The following FMN1 variants were observed in gnomAD, a reference collection of about 807,000 sequenced individuals.
The protein encoded by FMN1 is formin-1.
In FMN1, 110 loss-of-function variants were observed where a neutral mutation model predicts 132.4. That is an observed-to-expected ratio of 0.83 (90% CI 0.71 to 0.97). The LOEUF is 0.97. FMN1 is among the 50% of genes least tolerant of loss of function. The pLI, the probability that FMN1 is intolerant of heterozygous loss-of-function variation, is 0.00. For missense variants in FMN1, 1,792 were observed against 1,705.3 expected, an observed-to-expected ratio of 1.05 and a Z score of -0.90; for synonymous variants, 722 against 651.7, an observed-to-expected ratio of 1.11 and a Z score of -1.64.
At chr15:33,050,447 G>A (rs961849508) in intron 6 of FMN1, among the ~76,000 whole-genome samples, 1 of 151,782 alleles carries the variant, frequency 6.6e-6, no homozygotes, top group Non-Finnish European at 1.5e-5. Context: ...AAATGACTAA[G>A]AACCTCATTT....
chr15:32,959,164 T>A (rs1276553225), intron 9 of FMN1, among the ~76,000 whole-genome samples: 2 of 152,168 alleles, frequency 1.3e-5, no homozygotes, highest in Non-Finnish European at 2.9e-5. Context: ...TTTCTCTTGT[T>A]CAGTCATTAT....
At chr15:33,149,762 T>G in intron 4 of FMN1, 1 of 982,430 alleles carries the variant, frequency 1.0e-6, no homozygotes, top group Non-Finnish European at 1.2e-6. Context: ...AATGGCTGCA[T>G]ATGTCTATTA....
intron 5 of FMN1, among the ~76,000 whole-genome samples, chr15:33,081,846 T>C (rs1169632429): frequency 1.3e-5 from 2 of 152,136 alleles, no homozygotes; most frequent in Non-Finnish European, 2.9e-5. Flanking sequence ...ACAGTCAAGC[T>C]TGGGAGGAGC....
chr15:33,070,006 T>C (rs1057374355), intron 5 of FMN1, among the ~76,000 whole-genome samples: 6 of 135,694 alleles, frequency 4.4e-5, no homozygotes, highest in Non-Finnish European at 6.4e-5. Context: ...TTTTTTTTTT[T>C]TTTTTTTTTT....
At position 33,154,857 on chromosome 15, in the gene FMN1, T is replaced by C; in HGVS notation, c.58A>G (p.Ile20Val). Reference protein sequence around the residue: ...LHKPITELCYISFCLPKGEVR... With the variant: ...LHKPITELCYVSFCLPKGEVR... ...TCCCCCTTTGGAAGACAGAAGCTGA[T>C]GTAGCAGAGTTCCGTAATGGGCTTA... The change falls in exon 4 of 21, where the codon ATC (isoleucine) becomes GTC (valine). Residue 20 changes from isoleucine (I) to valine (V), a missense_variant. Ile to Val is a conservative substitution (Grantham distance 29). Transcript: ENST00000616417. The C allele has an allele frequency of 6.5e-7, 1 of 1,536,272 alleles. No homozygotes were observed. The highest frequency in any genetic ancestry group is 8.7e-7 in the Non-Finnish European group (1 of 1,146,928).
At chr15:32,884,395 C>T (rs529037045) in intron 16 of FMN1, among the ~76,000 whole-genome samples, 18 of 152,238 alleles carry the variant, frequency 1.2e-4, no homozygotes, top group African/African-American at 4.1e-4. Context: ...ATCATTCTTA[C>T]GTCGTTATAT....
At chr15:32,783,002 G>A (rs1196798960) in intron 19 of FMN1, among the ~76,000 whole-genome samples, 2 of 4,406 alleles carry the variant, frequency 4.5e-4, no homozygotes, top group Non-Finnish European at 1.0e-3. Flanking sequence ...GGTGGGGAGA[G>A]TGGGGAAGAC....
At chr15:32,962,616 A>T (rs1282355239) in intron 9 of FMN1, among the ~76,000 whole-genome samples, 1 of 151,352 alleles carries the variant, frequency 6.6e-6, no homozygotes, top group African/African-American at 2.5e-5. Flanking sequence ...TAATATCCAG[A>T]ATCTACAATA....
chr15:33,055,148 C>T (rs547480466), intron 6 of FMN1, among the ~76,000 whole-genome samples: 14 of 152,300 alleles, frequency 9.2e-5, no homozygotes, highest in African/African-American at 2.9e-4. Context: ...TCTATTCTCT[C>T]TGAAGCCTGC....
intron 6 of FMN1, among the ~76,000 whole-genome samples, chr15:33,052,794 C>T (rs1196400003): frequency 6.6e-6 from 1 of 152,208 alleles, no homozygotes; most frequent in Non-Finnish European, 1.5e-5. Flanking sequence ...GATTGATCCC[C>T]ACCCTTCCCC....
intron 6 of FMN1, among the ~76,000 whole-genome samples, chr15:33,048,537 TAAAAAAAA>T (rs946387734): frequency 6.9e-6 from 1 of 144,264 alleles, no homozygotes; most frequent in East Asian, 2.0e-4. Flanking sequence ...TTGAGACTAC[TAAAAAAAA>T]AGTTTTACAT....
intron 3 of FMN1, among the ~76,000 whole-genome samples, chr15:33,160,445 A>T (rs912106244): frequency 6.6e-6 from 1 of 152,238 alleles, no homozygotes; most frequent in African/African-American, 2.4e-5. Context: ...GCTTTAGACC[A>T]GGGCAAACTC....
chr15:32,876,407 G>C (rs531912969), intron 16 of FMN1, among the ~76,000 whole-genome samples: 1 of 152,270 alleles, frequency 6.6e-6, no homozygotes, highest in South Asian at 2.1e-4. Context: ...ATTAGGTCCT[G>C]GAACAGAAAG....
intron 9 of FMN1, among the ~76,000 whole-genome samples, chr15:32,938,941 T>C (rs1298343278): frequency 6.6e-6 from 1 of 152,132 alleles, no homozygotes; most frequent in Non-Finnish European, 1.5e-5. Flanking sequence ...AGGGCTTAGC[T>C]AAATAAGACG....
chr15:33,110,946 T>C (rs2039678699), intron 4 of FMN1, among the ~76,000 whole-genome samples: 2 of 152,242 alleles, frequency 1.3e-5, no homozygotes, highest in South Asian at 2.1e-4. Flanking sequence ...AAGATGCCTT[T>C]GTACAGCAAT....
intron 6 of FMN1, among the ~76,000 whole-genome samples, chr15:33,024,915 C>T (rs768311470): frequency 2.1e-4 from 32 of 152,046 alleles, no homozygotes; most frequent in African/African-American, 7.2e-4. Context: ...GCTATACATA[C>T]GAATGCAGAT....
chr15:32,968,883 C>A lies in FMN1; in HGVS notation c.2818G>T (p.Gly940Ter). ...LPNSPAPPNP[G>*]GPPPAPPPPG... ...GGTGGTGGAGCAGGAGGAGGCCCTC[C>A]AGGGTTGGGTGGGGCAGGGGAGTTA... Residue 940 changes from glycine to a stop codon, truncating the protein, a stop_gained, in exon 8 of 21, where the codon GGA becomes TGA. Transcript: ENST00000616417. LOFTEE classifies it high-confidence loss of function. 1 of 562,174 alleles carries A rather than the reference C, an allele frequency of 1.8e-6. No individual in the cohort carries two copies. The highest frequency in any genetic ancestry group is 4.3e-5 in the Admixed American group (1 of 23,104). The allele number at this position is 562,174 out of a possible 1,614,324, so 34.8% of individuals were successfully genotyped here.
intron 17 of FMN1, among the ~76,000 whole-genome samples, chr15:32,832,335 C>T (rs1172437423): frequency 6.6e-6 from 1 of 152,142 alleles, no homozygotes; most frequent in Admixed American, 6.5e-5. Context: ...TACTATATGC[C>T]TGCCTCAACT....
At chr15:32,953,469 T>C in intron 9 of FMN1, among the ~76,000 whole-genome samples, 1 of 152,156 alleles carries the variant, frequency 6.6e-6, no homozygotes, top group African/African-American at 2.4e-5. Flanking sequence ...TTATCACAGT[T>C]GGTGAGCTTT....
Sources: gnomAD v4.1 joint callset for allele counts (sites outside exome capture counted in the v4.1 genomes callset) on GRCh38, gnomAD v4.1.1 for gene constraint, MANE v1.5 for transcripts, NCBI Gene and HGNC (gene_info 2026-07-23, HGNC 2026-07-21) for gene names.